FGD4: variants seen among roughly 807,000 people sequenced by gnomAD.
FGD4 encodes FYVE, RhoGEF and PH domain-containing protein 4.
In FGD4, 42 loss-of-function variants were observed where a neutral mutation model predicts 102.0. That is an observed-to-expected ratio of 0.41 (90% CI 0.32 to 0.53). FGD4 has a LOEUF of 0.53. FGD4 is among the 20% of genes least tolerant of loss of function. The pLI is 0.21. For missense variants in FGD4, 902 were observed against 1,078.2 expected, an observed-to-expected ratio of 0.84 and a Z score of 2.29; for synonymous variants, 380 against 375.7, an observed-to-expected ratio of 1.01 and a Z score of -0.13.
At chr12:32,482,033 C>T (rs1943781747) in intron 1 of FGD4, among the ~76,000 whole-genome samples, 1 of 152,084 alleles carries the variant, frequency 6.6e-6, no homozygotes, top group Non-Finnish European at 1.5e-5. Context: ...CTACACATTT[C>T]TTAGAGAACA....
At chr12:32,562,496 G>A (rs1944698219) in intron 1 of FGD4, among the ~76,000 whole-genome samples, 1 of 152,130 alleles carries the variant, frequency 6.6e-6, no homozygotes, top group Non-Finnish European at 1.5e-5. Context: ...AATAGTGGAG[G>A]GAAGGTCAGC....
chr12:32,406,219 G>A (rs1940926096), intron 1 of FGD4, among the ~76,000 whole-genome samples: 1 of 152,062 alleles, frequency 6.6e-6, no homozygotes, highest in Non-Finnish European at 1.5e-5. Flanking sequence ...TGGGATTACA[G>A]GCGTGAGCCA....
At chr12:32,595,853 A>T (rs1947849459) in intron 4 of FGD4, among the ~76,000 whole-genome samples, 1 of 152,198 alleles carries the variant, frequency 6.6e-6, no homozygotes, top group Non-Finnish European at 1.5e-5. Flanking sequence ...AAACACTATT[A>T]TATTGCTATA....
intron 1 of FGD4, among the ~76,000 whole-genome samples, chr12:32,547,864 A>C (rs2136172428): frequency 6.6e-6 from 1 of 151,970 alleles, no homozygotes; most frequent in South Asian, 2.1e-4. Context: ...CCGCCACCAC[A>C]CCCAGCTAAT....
At chr12:32,507,406 A>C (rs1938884801) in intron 1 of FGD4, among the ~76,000 whole-genome samples, 1 of 152,156 alleles carries the variant, frequency 6.6e-6, no homozygotes, top group Non-Finnish European at 1.5e-5. Context: ...ATATAAGCTG[A>C]GACACAAATG....
At chr12:32,553,702 T>C (rs1441416564) in intron 1 of FGD4, among the ~76,000 whole-genome samples, 1 of 152,234 alleles carries the variant, frequency 6.6e-6, no homozygotes, top group Non-Finnish European at 1.5e-5. Context: ...TTGCTTTACC[T>C]GACAGTATGA....
intron 3 of FGD4, among the ~76,000 whole-genome samples, chr12:32,577,516 A>G (rs932635193): frequency 1.3e-5 from 2 of 152,238 alleles, no homozygotes; most frequent in Non-Finnish European, 2.9e-5. Flanking sequence ...TGGGTCTAAC[A>G]GATGTTGGTT....
intron 4 of FGD4, among the ~76,000 whole-genome samples, chr12:32,594,652 A>G (rs1947732622): frequency 1.3e-5 from 2 of 152,124 alleles, no homozygotes; most frequent in African/African-American, 2.4e-5. Flanking sequence ...ACATTATCAC[A>G]TGCATTTGTC....
At chr12:32,406,208 T>C (rs1409237378) in intron 1 of FGD4, among the ~76,000 whole-genome samples, 1 of 151,914 alleles carries the variant, frequency 6.6e-6, no homozygotes, top group Non-Finnish European at 1.5e-5. Context: ...TCCCAAAGTG[T>C]TGGGATTACA....
In FGD4 at chr12:32,562,321, T is replaced by C. The variant is rs114174425; in HGVS notation, c.167-1816T>C. ...TGAGATAGTTCCCAGGAAAACTCTT[T>C]GTCAAGGCCAGCCCATGTGGGAAAA... On this transcript the variant is annotated intron_variant, in intron 1 of 16. Transcript: ENST00000534526. Among the ~76,000 whole-genome samples, 503 of 152,358 alleles carry C rather than the reference T, an allele frequency of 3.3e-3. 7 individuals are homozygous for C. The highest frequency in any genetic ancestry group is 0.012 in the African/African-American group (479 of 41,586).
At chr12:32,429,791 TTATAATTAGC>T (rs1389708293) in intron 1 of FGD4, among the ~76,000 whole-genome samples, 1 of 152,168 alleles carries the variant, frequency 6.6e-6, no homozygotes, top group African/African-American at 2.4e-5. Flanking sequence ...GCATACATAA[TTATAATTAGC>T]TATAATTAGC....
At chr12:32,553,862 T>C (rs974996971) in intron 1 of FGD4, among the ~76,000 whole-genome samples, 6 of 152,172 alleles carry the variant, frequency 3.9e-5, no homozygotes, top group African/African-American at 9.7e-5. Context: ...TCCGTAACTT[T>C]GGGAGGCTGA....
At chr12:32,524,130 C>T (rs1206437451) in intron 1 of FGD4, among the ~76,000 whole-genome samples, 1 of 151,934 alleles carries the variant, frequency 6.6e-6, no homozygotes, top group East Asian at 1.9e-4. Context: ...GGTGCGGTGG[C>T]TCATGCCTGT....
chr12:32,502,208 G>C (rs1462853962), intron 1 of FGD4: 1 of 985,522 alleles, frequency 1.0e-6, no homozygotes, highest in Non-Finnish European at 1.2e-6. Flanking sequence ...AGCCTGTGCT[G>C]GGTGAGATTA....
chr12:32,477,108 C>T (rs1943602344), intron 1 of FGD4, among the ~76,000 whole-genome samples: 1 of 152,084 alleles, frequency 6.6e-6, no homozygotes, highest in African/African-American at 2.4e-5. Flanking sequence ...GCCAACATGG[C>T]GAAACCCTTT....
intron 1 of FGD4, among the ~76,000 whole-genome samples, chr12:32,562,567 C>T (rs150999580): frequency 0.094 from 14,229 of 152,090 alleles, 1,042 homozygotes; most frequent in African/African-American, 0.2. Context: ...CGGCCTTCCG[C>T]AGTGTTTGTG....
intron 1 of FGD4, among the ~76,000 whole-genome samples, chr12:32,563,284 CG>C (rs1592233200): frequency 7.1e-6 from 1 of 141,764 alleles, no homozygotes; most frequent in Non-Finnish European, 1.5e-5. Context: ...ACTTCTCAGA[CG>C]GGGCGGCCGG....
chr12:32,627,354 C>T (rs2136963580), intron 14 of FGD4, among the ~76,000 whole-genome samples: 1 of 152,070 alleles, frequency 6.6e-6, no homozygotes, highest in African/African-American at 2.4e-5. Flanking sequence ...CGGGGTTTCA[C>T]CATGTTGGCC....
At position 32,624,461 on chromosome 12, in the gene FGD4, C is replaced by A. The variant is rs1286214820; in HGVS notation, c.1953+9C>A. On this transcript the variant is annotated intron_variant, in intron 12 of 16. Coordinates refer to ENST00000534526, the MANE Select transcript of FGD4 (RefSeq NM_001370298.3). ...AAGAAGAATGGATCAAGGTAAGCCT[C>A]ATTTCTGTTTCCTTTTCTTTCTTTT... 6.3e-7 allele frequency: 1 copy of A among 1,591,656 alleles called. No individual in the cohort carries two copies. The highest frequency in any genetic ancestry group is 8.6e-7 in the Non-Finnish European group (1 of 1,167,868).
Sources: allele counts gnomAD v4.1 joint callset (sites outside exome capture counted in the v4.1 genomes callset), GRCh38; gene constraint gnomAD v4.1.1; transcripts MANE v1.5; gene names NCBI Gene and HGNC (gene_info 2026-07-23, HGNC 2026-07-21).